The following SP140 variants were observed in gnomAD, a reference collection of about 807,000 sequenced individuals.
SP140 encodes SP140 nuclear body protein, also known as nuclear body protein SP140.
In SP140, 81 loss-of-function variants were observed where a neutral mutation model predicts 125.0. The observed-to-expected ratio is 0.65, with a 90% CI of 0.54 to 0.78. The LOEUF (loss-of-function observed/expected upper bound fraction) is 0.78, where lower values mean the gene tolerates loss of function less well. Ranked by LOEUF, SP140 falls within the 30% of genes least tolerant of loss-of-function variation. The pLI is 0.00. For synonymous variants in SP140, 312 were observed against 354.0 expected, an observed-to-expected ratio of 0.88 and a Z score of 1.33; for missense variants, 858 against 1,037.0, an observed-to-expected ratio of 0.83 and a Z score of 2.37.
chr2:230,219,285 T>A (rs1197280835), intron 3 of SP140, among the ~76,000 whole-genome samples: 1 of 152,158 alleles, frequency 6.6e-6, no homozygotes, highest in East Asian at 1.9e-4. Flanking sequence ...GATAACATAT[T>A]TGTCTATCAA....
intron 1 of SP140, among the ~76,000 whole-genome samples, chr2:230,231,706 C>CT (rs1030295977): frequency 1.1e-4 from 17 of 151,726 alleles, no homozygotes; most frequent in African/African-American, 2.4e-4. Context: ...TCCCTCCACC[C>CT]TTTTTTTTCA....
intron 12 of SP140, among the ~76,000 whole-genome samples, chr2:230,259,673 C>T (rs148361682): frequency 0.025 from 3,648 of 148,228 alleles, 126 homozygotes; most frequent in African/African-American, 0.072. Context: ...GGTGACAGAA[C>T]GAGACTCCAT....
At chr2:230,223,931 C>A (rs1409894205), upstream of SP140, among the ~76,000 whole-genome samples, 1 of 152,212 alleles carries the variant, frequency 6.6e-6, no homozygotes, top group African/African-American at 2.4e-5. Context: ...AGGCCGGAGC[C>A]TTCTGACTCC....
At chr2:230,200,916 C>G (rs1236280424), upstream of SP140, 1 of 1,613,988 alleles carries the variant, frequency 6.2e-7, no homozygotes. Context: ...TACTAGGCGT[C>G]TTCTGGGACC....
At chr2:230,224,533 G>GGA (rs138737381), upstream of SP140, among the ~76,000 whole-genome samples, 3 of 150,724 alleles carry the variant, frequency 2.0e-5, no homozygotes, top group East Asian at 1.9e-4. Flanking sequence ...GAGAGAGAGA[G>GGA]GAGAGAGAGA....
At chr2:230,191,484 A>G in the SP140 span, among the ~76,000 whole-genome samples, 8 of 152,228 alleles carry the variant, frequency 5.3e-5, no homozygotes, top group African/African-American at 1.2e-4. Context: ...ACAAACTACC[A>G]TCAGAGAATA....
the SP140 span, among the ~76,000 whole-genome samples, chr2:230,195,746 A>G: frequency 6.6e-6 from 1 of 152,246 alleles, no homozygotes; most frequent in East Asian, 1.9e-4. Flanking sequence ...TATGAGATAA[A>G]CAGATTTGAA....
At chr2:230,295,554 T>C (rs781695341) in intron 21 of SP140, among the ~76,000 whole-genome samples, 1 of 152,206 alleles carries the variant, frequency 6.6e-6, no homozygotes, top group Non-Finnish European at 1.5e-5. Flanking sequence ...AAGGTGCAGT[T>C]GCCTCTATAT....
At chr2:230,253,219 G>A (rs150510022) in intron 10 of SP140, 97 bp from the exon 11 acceptor site, 3 of 830,290 alleles carry the variant, frequency 3.6e-6, no homozygotes, top group Middle Eastern at 6.8e-4. Context: ...ATGGAGAAAA[G>A]GCGGAACAAG....
At chr2:230,300,918 T>C (rs1311929131) in intron 22 of SP140, among the ~76,000 whole-genome samples, 1 of 152,050 alleles carries the variant, frequency 6.6e-6, no homozygotes, top group East Asian at 1.9e-4. Context: ...AGGATATGGA[T>C]GAAAAAGTCT....
Position 230,251,069 on chromosome 2 carries a change from A to AG in SP140, c.1057+12dup. Reference sequence around the variant, plus strand: ...TAGCAAGATGTGGGTCAGGTAAAGAAGGGGAGGATTTCTGGCCCTGGGCTG... The same window carrying AG: ...TAGCAAGATGTGGGTCAGGTAAAGAAGGGGGAGGATTTCTGGCCCTGGGCTG... On this transcript the variant is annotated intron_variant, in intron 10 of 26. Coordinates refer to ENST00000392045, the MANE Select transcript of SP140 (RefSeq NM_007237.5). The AG allele has an allele frequency of 6.2e-7, 1 of 1,611,562 alleles. No individual in the cohort carries two copies. The highest frequency in any genetic ancestry group is 8.5e-7 in the Non-Finnish European group (1 of 1,178,808).
rs576929557 is a variant in SP140 at position 230,211,029 on chromosome 2, G to A, written c.-322-2625G>A. On this transcript the variant is annotated intron_variant, in intron 1 of 4. Transcript: ENST00000456542. The surrounding 1 kb of genome is among the most constrained non-coding windows in gnomAD (Gnocchi z 4.2). ...ATTTGCTTTGCATTTTGACAGAGCC[G>A]TTTTGAGCACTACTTTATTGAAGTG... 2.6e-5 allele frequency among the ~76,000 whole-genome samples: 4 copies of A among 152,298 alleles called. No homozygotes were observed. In the East Asian group the frequency reaches 5.8e-4, roughly 22 times the overall value.
chr2:230,309,916 T>A lies in SP140; in HGVS notation c.2059-8T>A. The A allele has an allele frequency of 6.2e-7, 1 of 1,613,350 alleles. No individual in the cohort carries two copies. The highest frequency in any genetic ancestry group is 8.5e-7 in the Non-Finnish European group (1 of 1,179,966). On this transcript the variant is annotated splice_polypyrimidine_tract_variant and splice_region_variant and intron_variant, in intron 22 of 26. Transcript: ENST00000392045. ...TCCCAGTGACGTGGACACTGTTTTA[T>A]CTTCTAGATGAGAAACCTGGATGAG...
At chr2:230,208,020 C>CT in intron 1 of SP140, 1 of 1,567,488 alleles carries the variant, frequency 6.4e-7, no homozygotes, top group Non-Finnish European at 8.8e-7. Flanking sequence ...CTTATGTCTC[C>CT]TTTTTGGAGT....
intron 15 of SP140, among the ~76,000 whole-genome samples, chr2:230,280,793 C>T (rs66673816): frequency 0.078 from 11,874 of 151,970 alleles, 640 homozygotes; most frequent in South Asian, 0.19. Context: ...ATCATTTTTA[C>T]AGTTGATATT....
rs1188832380 is a variant in SP140, at chr2:230,269,945, G to T, written c.1436G>T (p.Gly479Val). The change falls in exon 14 of 27, where the codon GGC (glycine) becomes GTC (valine). Residue 479 changes from glycine to valine, a missense_variant. By Grantham distance (109) the Gly-to-Val change is moderately radical. This residue lies in a region of SP140 where 791 missense variants were observed against 869.5 expected (regional missense o/e 0.91). Transcript: ENST00000392045. ...AGGACGGAAAGTGATCAAGCGTGTGGCACAATGGGTAAGGCTGTCTGAGGG... is the reference window on the plus strand; with the variant it reads ...AGGACGGAAAGTGATCAAGCGTGTGTCACAATGGGTAAGGCTGTCTGAGGG... The part of the protein sequence containing the change: ...EARTESDQAC[G>V]TMDTVDIANN... 2 of 1,612,048 alleles carry T rather than the reference G, an allele frequency of 1.2e-6. No individual in the cohort carries two copies. The highest frequency in any genetic ancestry group is 1.7e-6 in the Non-Finnish European group (2 of 1,178,268).
At chr2:230,301,692 A>C (rs2058296434) in intron 22 of SP140, among the ~76,000 whole-genome samples, 1 of 152,234 alleles carries the variant, frequency 6.6e-6, no homozygotes, top group African/African-American at 2.4e-5. Flanking sequence ...CCTAAAGCAT[A>C]AATATCACAG....
intron 10 of SP140, among the ~76,000 whole-genome samples, 155 bp from the exon 11 acceptor site, chr2:230,253,158 TGAG>T (rs1279512338): frequency 6.6e-6 from 1 of 151,738 alleles, no homozygotes; most frequent in African/African-American, 2.4e-5. Flanking sequence ...GGCAGAACGG[TGAG>T]GAGGACACTG....
At chr2:230,217,944 GA>G (rs1317798363) in intron 3 of SP140, among the ~76,000 whole-genome samples, 1 of 152,200 alleles carries the variant, frequency 6.6e-6, no homozygotes, top group Admixed American at 6.5e-5. Context: ...TGAGGGCTGA[GA>G]AAGGCATACT....
Sources: gnomAD v4.1 joint callset for allele counts (sites outside exome capture counted in the v4.1 genomes callset) on GRCh38, gnomAD v4.1.1 for gene constraint, gnomAD v4.1.1 regional missense constraint, Gnocchi (gnomAD v3.1) non-coding constraint, MANE v1.5 for transcripts, NCBI Gene and HGNC (gene_info 2026-07-23, HGNC 2026-07-21) for gene names.